The following PSD3 variants were observed in gnomAD, a reference collection of about 807,000 sequenced individuals.
PSD3 encodes pleckstrin and Sec7 domain containing 3, also known as PH and SEC7 domain-containing protein 3.
A neutral mutation model predicts 105.5 loss-of-function variants in PSD3; 49 were observed. The observed-to-expected ratio is 0.46, with a 90% CI of 0.37 to 0.59. The LOEUF (loss-of-function observed/expected upper bound fraction) is 0.59, where lower values mean the gene tolerates loss of function less well. Among genes scored for constraint, PSD3 ranks in the 20% least tolerant of loss-of-function variants. The probability of loss-of-function intolerance (pLI) is 0.00; values close to 1 mark genes in which losing one functional copy is unlikely to be tolerated. For missense variants in PSD3, 1,561 were observed against 1,263.8 expected (o/e 1.24, Z -3.57); for synonymous variants, 557 against 457.8 (o/e 1.22, Z -2.77).
In PSD3 at chr8:18,707,045, C is replaced by A. The variant is rs182735048; in HGVS notation, c.2173-51360G>T. Among the ~76,000 whole-genome samples the A allele has an allele frequency of 9.8e-5, 15 of 152,288 alleles. No individual in the cohort carries two copies. In the East Asian group the frequency reaches 2.9e-3, roughly 29 times the overall value. On this transcript the variant is annotated intron_variant, in intron 9 of 15. Coordinates refer to ENST00000327040, the MANE Select transcript of PSD3 (RefSeq NM_015310.4). ...ATTCTATCCAATGCAATCTTGACTACTTCTCATTTGCAATTCCATGTTCCT... is the reference window on the plus strand; with the variant it reads ...ATTCTATCCAATGCAATCTTGACTAATTCTCATTTGCAATTCCATGTTCCT...
chr8:18,650,405 C>T (rs1229123800), intron 10 of PSD3, among the ~76,000 whole-genome samples: 3 of 152,172 alleles, frequency 2.0e-5, no homozygotes, highest in African/African-American at 4.8e-5. Flanking sequence ...TATCAGCAGG[C>T]TGCATGATGC....
In PSD3 at chr8:18,872,262, G is replaced by C. The variant is rs1192995673; in HGVS notation, c.602C>G (p.Ala201Gly). 1 of 1,614,084 alleles carries C rather than the reference G, an allele frequency of 6.2e-7. No homozygotes were observed. The highest frequency in any genetic ancestry group is 8.5e-7 in the Non-Finnish European group (1 of 1,180,044). ...QKNLPEIPLSAEVTTEESFYL... is the reference protein window; with the variant it reads ...QKNLPEIPLSGEVTTEESFYL... ...AAAACTTTCCTCCGTTGTTACTTCA[G>C]CTGAAAGAGGTATTTCTGGTAAATT... The change falls in exon 3 of 16, where the codon GCT (alanine) becomes GGT (glycine). Residue 201 changes from alanine (A) to glycine (G), a missense_variant. Transcript: ENST00000327040.
chr8:18,978,450 C>T (rs1021200079), intron 1 of PSD3, among the ~76,000 whole-genome samples: 16 of 152,322 alleles, frequency 1.1e-4, no homozygotes, highest in African/African-American at 3.8e-4. Flanking sequence ...CTCAGGAAAT[C>T]CTTTTGCTAA....
At chr8:18,733,335 G>A (rs559305820) in intron 9 of PSD3, 1 of 152,298 alleles carries the variant, frequency 6.6e-6, no homozygotes, top group African/African-American at 2.4e-5. Flanking sequence ...AGAAAGACTA[G>A]AACAGCCACA....
At chr8:18,857,299 C>T (rs1354585369) in intron 4 of PSD3, among the ~76,000 whole-genome samples, 3 of 152,280 alleles carry the variant, frequency 2.0e-5, no homozygotes, top group Non-Finnish European at 2.9e-5. Flanking sequence ...CAAACTTCAA[C>T]GTGATCATGG....
intron 1 of PSD3, among the ~76,000 whole-genome samples, chr8:18,967,595 G>C (rs950569479): frequency 2.0e-5 from 3 of 152,190 alleles, no homozygotes; most frequent in South Asian, 2.1e-4. Context: ...GCCTTTATGA[G>C]CTGGTCCACA....
At chr8:18,997,349 C>A (rs1826136138) in intron 1 of PSD3, among the ~76,000 whole-genome samples, 1 of 151,878 alleles carries the variant, frequency 6.6e-6, no homozygotes, top group African/African-American at 2.4e-5. Flanking sequence ...CTTTCTCCCA[C>A]TCACATCCCA....
intron 4 of PSD3, among the ~76,000 whole-genome samples, chr8:18,817,430 C>T (rs2129448930): frequency 6.6e-6 from 1 of 152,242 alleles, no homozygotes; most frequent in South Asian, 2.1e-4. Context: ...CAGCACTGTG[C>T]CCCGAGGGCT....
chr8:18,826,155 G>T (rs957699923), intron 4 of PSD3, among the ~76,000 whole-genome samples: 3 of 152,148 alleles, frequency 2.0e-5, no homozygotes, highest in African/African-American at 7.2e-5. Context: ...CAGAGCTCCT[G>T]GTTCTCAGGC....
At chr8:18,629,600 A>C (rs941368456) in intron 11 of PSD3, among the ~76,000 whole-genome samples, 8 of 151,982 alleles carry the variant, frequency 5.3e-5, no homozygotes, top group African/African-American at 1.9e-4. Context: ...GAATGAAGCC[A>C]AACACAAAGC....
intron 2 of PSD3, among the ~76,000 whole-genome samples, chr8:18,913,725 C>A (rs1426494998): frequency 1.3e-5 from 2 of 152,164 alleles, no homozygotes; most frequent in African/African-American, 2.4e-5. Context: ...ACCAGGCTGG[C>A]CTTCATGGAC....
At chr8:18,631,098 A>G (rs1442293930) in intron 11 of PSD3, among the ~76,000 whole-genome samples, 1 of 152,002 alleles carries the variant, frequency 6.6e-6, no homozygotes, top group Non-Finnish European at 1.5e-5. Flanking sequence ...AATGAACACT[A>G]TCAACAAATC....
chr8:18,708,276 G>A (rs535274232), intron 9 of PSD3, among the ~76,000 whole-genome samples: 7 of 152,234 alleles, frequency 4.6e-5, no homozygotes, highest in South Asian at 2.1e-4. Context: ...AGGGATGAGA[G>A]TAACAGTAAT....
chr8:18,596,293 T>C (rs73211759), intron 12 of PSD3, among the ~76,000 whole-genome samples: 1 of 151,740 alleles, frequency 6.6e-6, no homozygotes, highest in Non-Finnish European at 1.5e-5. Flanking sequence ...ACACTTAACA[T>C]TAGAAAAGAA....
At chr8:18,990,581 C>A (rs2059660) in intron 1 of PSD3, among the ~76,000 whole-genome samples, 44,374 of 152,086 alleles carry the variant, frequency 0.29, 6,869 homozygotes, top group Non-Finnish European at 0.35. Flanking sequence ...TTCCCTCATT[C>A]TCACTCCATG....
intron 9 of PSD3, among the ~76,000 whole-genome samples, chr8:18,739,350 T>G (rs544669803): frequency 6.6e-6 from 1 of 152,244 alleles, no homozygotes; most frequent in East Asian, 1.9e-4. Flanking sequence ...AGTTATAAAC[T>G]CGCTGTTGAA....
intron 1 of PSD3, among the ~76,000 whole-genome samples, chr8:18,988,208 CA>C (rs897531694): frequency 1.3e-5 from 2 of 152,024 alleles, no homozygotes; most frequent in Non-Finnish European, 2.9e-5. Context: ...ATTCTGAATA[CA>C]TAAAACATGT....
At chr8:18,849,659 TCTA>T (rs1448586693) in intron 4 of PSD3, 1 of 152,212 alleles carries the variant, frequency 6.6e-6, no homozygotes, top group Non-Finnish European at 1.5e-5. Flanking sequence ...TAATTACAAA[TCTA>T]CTATCAGCCA....
chr8:19,068,786 T>G lies in PSD3; in HGVS notation c.324+15420A>C, dbSNP rs149604458. Among the ~76,000 whole-genome samples the G allele has an allele frequency of 6.6e-4, 100 of 152,202 alleles. 1 individual carries two copies. The highest frequency in any genetic ancestry group is 1.8e-3 in the African/African-American group (74 of 41,536). On this transcript the variant is annotated intron_variant, in intron 1 of 1. Transcript: ENST00000521475. ...TAAAAAAAAAAAAAAGAACTGACAC[T>G]TTAGACCAGGGATGTGCTTGGTGCT...
Sources: allele counts gnomAD v4.1 joint callset (sites outside exome capture counted in the v4.1 genomes callset), GRCh38; gene constraint gnomAD v4.1.1; transcripts MANE v1.5; gene names NCBI Gene and HGNC (gene_info 2026-07-23, HGNC 2026-07-21).